The following BTBD9 variants were observed in gnomAD, a reference collection of about 807,000 sequenced individuals.
BTBD9 encodes the protein BTB/POZ domain-containing protein 9.
Under a neutral mutation model 64.3 loss-of-function variants are expected in BTBD9, and 49 were observed. The observed-to-expected ratio is 0.76, with a 90% CI of 0.61 to 0.97. The LOEUF (loss-of-function observed/expected upper bound fraction) is 0.97. Among genes scored for constraint, BTBD9 ranks in the 50% least tolerant of loss-of-function variants. The probability of loss-of-function intolerance (pLI) is 0.00; values close to 1 mark genes in which losing one functional copy is unlikely to be tolerated. For missense variants in BTBD9, 598 were observed against 762.1 expected (o/e 0.78, Z 2.53); for synonymous variants, 260 against 274.7 (o/e 0.95, Z 0.53).
rs549332914 is a variant in BTBD9 at position 38,174,893 on chromosome 6, T to C, written c.*92A>G. 4.0e-5 allele frequency: 59 copies of C among 1,463,834 alleles called. No individual in the cohort carries two copies. In the African/African-American group the frequency reaches 7.0e-4, roughly 17 times the overall value. 90.7% of individuals were successfully genotyped at this position (1,463,834 alleles called of 1,614,324 possible). A position where few individuals can be genotyped will look rare whatever the true frequency, so the allele number is the denominator to read the frequency against. On this transcript the variant is annotated 3_prime_UTR_variant, in exon 11 of 11. Coordinates refer to ENST00000481247, the MANE Select transcript of BTBD9 (RefSeq NM_001099272.2). ...GCTCCTCCCTGGAAAGGGGCAGAGGTGGGGGCAGTCAACAGAGACCCCTGC... is the reference window on the plus strand; with the variant it reads ...GCTCCTCCCTGGAAAGGGGCAGAGGCGGGGGCAGTCAACAGAGACCCCTGC...
intron 4 of BTBD9, among the ~76,000 whole-genome samples, chr6:38,586,112 ACT>A (rs773456559): frequency 2.0e-5 from 3 of 152,178 alleles, no homozygotes; most frequent in African/African-American, 4.8e-5. Context: ...ACAAGAAATT[ACT>A]CTCTTTCCCC....
At chr6:38,577,531 T>A in intron 6 of BTBD9, 69 bp downstream of exon 6, 1 of 1,470,200 alleles carries the variant, frequency 6.8e-7, no homozygotes, top group Non-Finnish European at 9.2e-7. Flanking sequence ...AAAAATGCAG[T>A]TCTGCTTCTC....
intron 7 of BTBD9, among the ~76,000 whole-genome samples, chr6:38,294,519 G>A (rs1042608046): frequency 3.9e-5 from 6 of 152,104 alleles, no homozygotes; most frequent in African/African-American, 1.4e-4. Context: ...GCATGGAGCT[G>A]GAAATCATCA....
At chr6:38,194,404 G>A (rs13205068) in intron 9 of BTBD9, among the ~76,000 whole-genome samples, 80,696 of 152,134 alleles carry the variant, frequency 0.53, 22,245 homozygotes, top group Non-Finnish European at 0.61. Flanking sequence ...AGAAAAAGAA[G>A]TAGGATGAGT....
At chr6:38,564,868 G>A (rs529759159) in intron 6 of BTBD9, among the ~76,000 whole-genome samples, 1 of 151,940 alleles carries the variant, frequency 6.6e-6, no homozygotes, top group East Asian at 1.9e-4. Context: ...CTCCAGCCTG[G>A]GCGACAGAGC....
chr6:38,211,702 C>G (rs1345178713), intron 9 of BTBD9, among the ~76,000 whole-genome samples: 3 of 151,156 alleles, frequency 2.0e-5, no homozygotes, highest in African/African-American at 7.3e-5. Context: ...TGAGATTAAG[C>G]CACTGCCCTC....
intron 6 of BTBD9, among the ~76,000 whole-genome samples, chr6:38,363,169 A>G (rs1275274371): frequency 6.6e-6 from 1 of 151,962 alleles, no homozygotes. Flanking sequence ...GCTCAGCGCC[A>G]CCTCCAACTC....
chr6:38,226,211 G>A (rs1763387974), intron 9 of BTBD9, among the ~76,000 whole-genome samples: 1 of 152,304 alleles, frequency 6.6e-6, no homozygotes. Flanking sequence ...GGGGGTGGGA[G>A]TGTGAAACCA....
intron 10 of BTBD9, among the ~76,000 whole-genome samples, chr6:38,189,953 C>T (rs9462406): frequency 0.37 from 55,300 of 149,190 alleles, 10,796 homozygotes; most frequent in Non-Finnish European, 0.44. Flanking sequence ...GAATTACAGG[C>T]GTGAGCCACC....
At chr6:38,470,384 T>C (rs1006912666) in intron 6 of BTBD9, among the ~76,000 whole-genome samples, 14 of 152,164 alleles carry the variant, frequency 9.2e-5, no homozygotes, top group Non-Finnish European at 1.3e-4. Flanking sequence ...GCCACAGAAG[T>C]GTATCTAGCC....
chr6:38,507,916 C>T (rs1375924996), intron 6 of BTBD9, among the ~76,000 whole-genome samples: 2 of 150,790 alleles, frequency 1.3e-5, no homozygotes, highest in Non-Finnish European at 2.9e-5. Flanking sequence ...TCACTTTACG[C>T]TCCGCCTCCT....
chr6:38,495,493 C>A (rs1771912581), intron 6 of BTBD9, among the ~76,000 whole-genome samples: 1 of 152,156 alleles, frequency 6.6e-6, no homozygotes, highest in Non-Finnish European at 1.5e-5. Flanking sequence ...AAAACCTGTC[C>A]TTCTTTATTA....
chr6:38,374,323 ATATG>A (rs1278343724), intron 6 of BTBD9, among the ~76,000 whole-genome samples: 5 of 121,824 alleles, frequency 4.1e-5, no homozygotes, highest in African/African-American at 1.7e-4. Context: ...ATATATATAT[ATATG>A]TATATAAAAT....
chr6:38,202,764 T>C (rs539255102), intron 9 of BTBD9, among the ~76,000 whole-genome samples: 22 of 152,150 alleles, frequency 1.4e-4, no homozygotes, highest in Non-Finnish European at 2.8e-4. Context: ...TCAAGATTGA[T>C]TAAGGACTTA....
intron 9 of BTBD9, among the ~76,000 whole-genome samples, chr6:38,243,299 T>C (rs9394482): frequency 0.11 from 16,244 of 152,122 alleles, 1,273 homozygotes; most frequent in East Asian, 0.45. Context: ...AAATGAGATG[T>C]TTAGGGAGAG....
intron 7 of BTBD9, among the ~76,000 whole-genome samples, chr6:38,317,872 T>C (rs1250504516): frequency 1.3e-5 from 2 of 152,260 alleles, no homozygotes; most frequent in East Asian, 3.9e-4. Flanking sequence ...TTGTTAAATG[T>C]ATCTGATAGG....
intron 6 of BTBD9, among the ~76,000 whole-genome samples, chr6:38,389,453 G>A (rs1428876223): frequency 6.6e-6 from 1 of 152,178 alleles, no homozygotes; most frequent in Non-Finnish European, 1.5e-5. Flanking sequence ...CAGTAAACAC[G>A]TATGAAGCAC....
chr6:38,486,204 T>C (rs1332596255), intron 6 of BTBD9, among the ~76,000 whole-genome samples: 3 of 152,236 alleles, frequency 2.0e-5, no homozygotes, highest in Non-Finnish European at 4.4e-5. Context: ...TTAGGGAATG[T>C]TGTGGCTGGT....
At chr6:38,349,652 C>G (rs969660288) in intron 6 of BTBD9, among the ~76,000 whole-genome samples, 2 of 151,906 alleles carry the variant, frequency 1.3e-5, no homozygotes, top group Non-Finnish European at 2.9e-5. Context: ...GGTTCAGTAC[C>G]ATGCATAGTT....
Sources: allele counts gnomAD v4.1 joint callset (sites outside exome capture counted in the v4.1 genomes callset), GRCh38; gene constraint gnomAD v4.1.1; transcripts MANE v1.5; gene names NCBI Gene and HGNC (gene_info 2026-07-23, HGNC 2026-07-21).